DDI2: variants seen among roughly 807,000 people sequenced by gnomAD.
The protein encoded by DDI2 is protein DDI1 homolog 2.
In DDI2, 5 loss-of-function variants were observed where a neutral mutation model predicts 48.1. The observed-to-expected ratio is 0.10, with a 90% CI of 0.05 to 0.22. The LOEUF (loss-of-function observed/expected upper bound fraction) is 0.22. Ranked by LOEUF, DDI2 falls within the 10% of genes least tolerant of loss-of-function variation. The probability of loss-of-function intolerance (pLI) is 1.00; values close to 1 mark genes in which losing one functional copy is unlikely to be tolerated. For synonymous variants in DDI2, 205 were observed against 183.6 expected (o/e 1.12, Z -0.94); for missense variants, 285 against 506.2 (o/e 0.56, Z 4.19).
chr1:15,642,828 G>A (rs1414880674), intron 5 of DDI2, among the ~76,000 whole-genome samples: 1 of 152,214 alleles, frequency 6.6e-6, no homozygotes. Flanking sequence ...AGCACTTTGG[G>A]AGGCCGAGGC....
At chr1:15,640,958 C>T (rs1450340919) in intron 5 of DDI2, among the ~76,000 whole-genome samples, 1 of 151,966 alleles carries the variant, frequency 6.6e-6, no homozygotes, top group Non-Finnish European at 1.5e-5. Flanking sequence ...AGGGCAGGGA[C>T]CATTTTACAG....
chr1:15,630,209 C>T, intron 2 of DDI2, 116 bp from the exon 3 acceptor site: 1 of 914,210 alleles, frequency 1.1e-6, no homozygotes, highest in South Asian at 1.5e-5. Flanking sequence ...AGGTTAAAGT[C>T]TACAGTTACC....
At chr1:15,635,611 G>A (rs1384788224) in intron 4 of DDI2, among the ~76,000 whole-genome samples, 3 of 152,092 alleles carry the variant, frequency 2.0e-5, no homozygotes, top group Admixed American at 2.0e-4. Context: ...CACCATCTTG[G>A]CCAGGCTGGT....
At chr1:15,627,754 C>T (rs1639781294) in intron 2 of DDI2, among the ~76,000 whole-genome samples, 1 of 152,074 alleles carries the variant, frequency 6.6e-6, no homozygotes, top group Non-Finnish European at 1.5e-5. Context: ...TAGTGTTTAG[C>T]CTGTAGGTCA....
chr1:15,636,318 A>G (rs1639928306), intron 4 of DDI2, among the ~76,000 whole-genome samples: 1 of 151,944 alleles, frequency 6.6e-6, no homozygotes, highest in Non-Finnish European at 1.5e-5. Flanking sequence ...TGTAGAGACG[A>G]GGTTTCGCCG....
In DDI2 at chr1:15,660,776, A is replaced by T. The variant is rs372153137; in HGVS notation, c.*986A>T. The T allele has an allele frequency of 6.2e-7, 1 of 1,613,820 alleles. No individual in the cohort carries two copies. Among genetic ancestry groups the T allele is most frequent in the African/African-American group, 1.3e-5 (1 of 74,898 alleles). On this transcript the variant is annotated 3_prime_UTR_variant, in exon 10 of 10. Transcript: ENST00000480945. ...AACCCTTCATCTGAAATTTTGAATG[A>T]TTCCATTTCCACTCAGGATTTACAG...
chr1:15,646,405 G>A (rs1382000166), intron 6 of DDI2, among the ~76,000 whole-genome samples: 2 of 152,114 alleles, frequency 1.3e-5, no homozygotes, highest in African/African-American at 4.8e-5. Flanking sequence ...TATGCCTTAG[G>A]GCTGGGCATG....
At position 15,660,698 on chromosome 1, in the gene DDI2, C is replaced by T. The variant is rs1172622842; in HGVS notation, c.*908C>T. 1.2e-6 allele frequency: 2 copies of T among 1,613,964 alleles called. No individual in the cohort carries two copies. Among genetic ancestry groups the T allele is most frequent in the African/African-American group, 2.7e-5 (2 of 74,924 alleles). ...AATGCCAATGTCAAGAACATTGGTG[C>T]ATTGGATCTCACTTTAGATAATCCC... On this transcript the variant is annotated 3_prime_UTR_variant, in exon 10 of 10. Coordinates refer to ENST00000480945, the MANE Select transcript of DDI2 (RefSeq NM_032341.5).
At position 15,643,739 on chromosome 1, in the gene DDI2, T is replaced by A. The variant is rs1218744622; in HGVS notation, c.889+89T>A. On this transcript the variant is annotated intron_variant, in intron 6 of 9. Transcript: ENST00000480945. ...TTTCAAGTTTTTAGAGGGTCTTTTG[T>A]TGTTATTTTGTTGTTGTTGTTTTAA... The A allele has an allele frequency of 2.0e-6, 3 of 1,516,378 alleles. No individual in the cohort carries two copies. The African/African-American group carries it at 4.2e-5, about 21-fold the overall frequency. The allele number at this position is 1,516,378 out of a possible 1,614,324, so 93.9% of individuals were successfully genotyped here. A position where few individuals can be genotyped will look rare whatever the true frequency, so the allele number is the denominator to read the frequency against.
At chr1:15,628,834 T>C (rs1312345515) in intron 2 of DDI2, among the ~76,000 whole-genome samples, 2 of 152,238 alleles carry the variant, frequency 1.3e-5, no homozygotes, top group Non-Finnish European at 2.9e-5. Flanking sequence ...AAAGAAATCC[T>C]ATACCCATTT....
rs1452751684 is a variant in DDI2 at position 15,660,947 on chromosome 1, A to G, written c.*1157A>G. 11 of 1,613,336 alleles carry G rather than the reference A, an allele frequency of 6.8e-6. No individual in the cohort carries two copies. The highest frequency in any genetic ancestry group is 1.7e-4 in the Middle Eastern group (1 of 6,060). ...ATAACGGCAGCCTTGAAAGAACTTCATGAACTTTTGGTTGTTAGCAGTAAA... is the reference window on the plus strand; with the variant it reads ...ATAACGGCAGCCTTGAAAGAACTTCGTGAACTTTTGGTTGTTAGCAGTAAA... On this transcript the variant is annotated 3_prime_UTR_variant, in exon 10 of 10. Coordinates refer to ENST00000480945, the MANE Select transcript of DDI2 (RefSeq NM_032341.5).
chr1:15,637,275 T>G (rs938566100), intron 4 of DDI2, among the ~76,000 whole-genome samples: 2 of 152,178 alleles, frequency 1.3e-5, no homozygotes, highest in African/African-American at 2.4e-5. Flanking sequence ...CGGGCTGGTT[T>G]GAAACTCCTG....
intron 1 of DDI2, among the ~76,000 whole-genome samples, chr1:15,618,101 C>G (rs989845379): frequency 2.0e-5 from 3 of 152,202 alleles, no homozygotes; most frequent in Admixed American, 6.5e-5. Flanking sequence ...ACCCTCCCCA[C>G]CTTTGGCTCT....
intron 5 of DDI2, among the ~76,000 whole-genome samples, chr1:15,642,273 C>T (rs901504733): frequency 3.9e-5 from 6 of 152,146 alleles, no homozygotes; most frequent in Admixed American, 6.5e-5. Flanking sequence ...CATAGGCCAA[C>T]CCGCCGTGTA....
At chr1:15,640,263 G>A (rs745329673) in intron 5 of DDI2, among the ~76,000 whole-genome samples, 1 of 152,026 alleles carries the variant, frequency 6.6e-6, no homozygotes. Context: ...ACCATGCTAG[G>A]TGCTTAATAT....
chr1:15,648,850 A>C (rs1311948854), intron 6 of DDI2, among the ~76,000 whole-genome samples: 4 of 151,458 alleles, frequency 2.6e-5, no homozygotes, highest in African/African-American at 4.9e-5. Flanking sequence ...AAAAAAAAAA[A>C]AACAACCCTA....
intron 6 of DDI2, among the ~76,000 whole-genome samples, chr1:15,645,884 A>C (rs1050313769): frequency 6.6e-6 from 1 of 151,214 alleles, no homozygotes; most frequent in African/African-American, 2.4e-5. Flanking sequence ...AAAAAAAAAA[A>C]GAGTGGGCCA....
rs923707351 is a variant in DDI2 at position 15,622,198 on chromosome 1, CT to C, written c.138+4407del. 1.9e-3 allele frequency among the ~76,000 whole-genome samples: 250 copies of C among 131,186 alleles called. 2 individuals carry two copies. Among genetic ancestry groups the C allele is most frequent in the Middle Eastern group, 3.9e-3 (1 of 254 alleles). The allele number at this position is 131,186 out of a possible 152,430, so 86.1% of individuals were successfully genotyped here. A position where few individuals can be genotyped will look rare whatever the true frequency, so the allele number is the denominator to read the frequency against. The stretch of plus-strand genomic sequence containing the variant: ...AAGGGATCCTCCCAAGTAGCTGCGA[CT>C]TTTTTTTTTTTTTTTTGAGACGAGG... On this transcript the variant is annotated intron_variant, in intron 1 of 9. Transcript: ENST00000480945.
At chr1:15,640,555 A>C (rs1182706030) in intron 5 of DDI2, among the ~76,000 whole-genome samples, 2 of 152,134 alleles carry the variant, frequency 1.3e-5, no homozygotes, top group Admixed American at 1.3e-4. Flanking sequence ...CCACATTCTC[A>C]CTCTGACCGA....
Sources: allele counts gnomAD v4.1 joint callset (sites outside exome capture counted in the v4.1 genomes callset), GRCh38; gene constraint gnomAD v4.1.1; transcripts MANE v1.5; gene names NCBI Gene and HGNC (gene_info 2026-07-23, HGNC 2026-07-21).